The following CREBL2 variants were observed in gnomAD, a reference collection of about 807,000 sequenced individuals.
CREBL2 encodes cAMP-responsive element-binding protein-like 2.
A neutral mutation model predicts 19.5 loss-of-function variants in CREBL2; 4 were observed. The observed-to-expected ratio is 0.20, with a 90% CI of 0.10 to 0.47. The LOEUF (loss-of-function observed/expected upper bound fraction) is 0.47, where lower values mean the gene tolerates loss of function less well. Ranked by LOEUF, CREBL2 falls within the 20% of genes least tolerant of loss-of-function variation. The probability of loss-of-function intolerance (pLI) is 0.98; values close to 1 mark genes in which losing one functional copy is unlikely to be tolerated. For missense variants in CREBL2, 85 were observed against 145.1 expected (o/e 0.59, Z 2.13); for synonymous variants, 42 against 46.6 (o/e 0.90, Z 0.40).
intron 1 of CREBL2, among the ~76,000 whole-genome samples, chr12:12,618,352 G>A (rs539423080): frequency 7.2e-5 from 11 of 152,160 alleles, no homozygotes; most frequent in African/African-American, 1.9e-4. Context: ...CCTCCTAGAC[G>A]GGGTGGCGGT....
At chr12:12,614,160 A>G (rs1276554683) in intron 1 of CREBL2, among the ~76,000 whole-genome samples, 1 of 151,556 alleles carries the variant, frequency 6.6e-6, no homozygotes, top group African/African-American at 2.4e-5. Context: ...CATCCAGCTA[A>G]ATTTTTATTT....
At chr12:12,618,707 C>G (rs937972667) in intron 1 of CREBL2, among the ~76,000 whole-genome samples, 2 of 152,178 alleles carry the variant, frequency 1.3e-5, no homozygotes, top group Admixed American at 6.5e-5. Context: ...TGTAGCGAGC[C>G]GAGATCGCGC....
intron 3 of CREBL2, among the ~76,000 whole-genome samples, chr12:12,641,150 T>G (rs190767607): frequency 6.6e-6 from 1 of 151,286 alleles, no homozygotes; most frequent in East Asian, 1.9e-4. Flanking sequence ...AAAATGAATA[T>G]GTCCTATGTT....
intron 1 of CREBL2, among the ~76,000 whole-genome samples, chr12:12,618,195 G>A (rs1429724124): frequency 1.3e-5 from 2 of 150,850 alleles, no homozygotes; most frequent in Admixed American, 1.3e-4. Flanking sequence ...CCTCCCAGAC[G>A]GGGCGGCTGC....
intron 1 of CREBL2, among the ~76,000 whole-genome samples, chr12:12,634,175 T>A (rs1051696867): frequency 1.3e-5 from 2 of 150,210 alleles, no homozygotes; most frequent in Admixed American, 6.7e-5. Flanking sequence ...GGAATAAATG[T>A]ACCCCCTTTC....
At chr12:12,620,750 T>C (rs1465709877) in intron 1 of CREBL2, among the ~76,000 whole-genome samples, 2 of 152,270 alleles carry the variant, frequency 1.3e-5, no homozygotes, top group East Asian at 1.9e-4. Flanking sequence ...TCAACATTTG[T>C]TGGACACCTG....
intron 1 of CREBL2, among the ~76,000 whole-genome samples, chr12:12,623,188 T>G (rs2136301659): frequency 6.6e-6 from 1 of 152,192 alleles, no homozygotes; most frequent in African/African-American, 2.4e-5. Flanking sequence ...TTGCTGATTT[T>G]TCTTTTTCAT....
chr12:12,637,323 A>G (rs1352117057), intron 2 of CREBL2, among the ~76,000 whole-genome samples: 1 of 152,040 alleles, frequency 6.6e-6, no homozygotes, highest in Non-Finnish European at 1.5e-5. Flanking sequence ...GCAACACTCC[A>G]GTACATCAAA....
In CREBL2 at chr12:12,613,169, C is replaced by T. The variant is rs570022052; in HGVS notation, c.15+982C>T. On this transcript the variant is annotated intron_variant, in intron 1 of 3. Coordinates refer to ENST00000228865, the MANE Select transcript of CREBL2 (RefSeq NM_001310.4). ...ACAGGCGTGAGCCACCGCGCCTGGC[C>T]GCCTTTCTCTCTTTACATCTACCCA... Among the ~76,000 whole-genome samples the T allele has an allele frequency of 7.2e-5, 11 of 152,338 alleles. 2 individuals are homozygous for T. In the South Asian group the frequency reaches 1.7e-3, roughly 23 times the overall value.
rs1030936854 is a variant in CREBL2, at chr12:12,642,833, A to G, written c.*835A>G. On this transcript the variant is annotated 3_prime_UTR_variant, in exon 4 of 4. Transcript: ENST00000228865. ...CATTGACAATCTAGGGTATATATGT[A>G]TGTATGTTTCTTATTGTATGTCTAT... is the stretch of plus-strand genomic sequence containing the variant. 1 of 152,616 alleles carries G rather than the reference A, an allele frequency of 6.6e-6. No individual in the cohort carries two copies. Among genetic ancestry groups the G allele is most frequent in the Admixed American group, 6.5e-5 (1 of 15,278 alleles). 9.5% of individuals were successfully genotyped at this position (152,616 alleles called of 1,614,324 possible). A position where few individuals can be genotyped will look rare whatever the true frequency, so the allele number is the denominator to read the frequency against.
intron 3 of CREBL2, among the ~76,000 whole-genome samples, chr12:12,638,583 T>C (rs985618764): frequency 1.3e-5 from 2 of 152,084 alleles, no homozygotes; most frequent in Non-Finnish European, 2.9e-5. Context: ...ATCTAGCTTT[T>C]TGTTAATAAT....
chr12:12,642,441 A>T lies in CREBL2; in HGVS notation c.*443A>T, dbSNP rs1945530291. ...CTACAAAGAGAAACCAAATGAGCTG[A>T]TTACTGACTATAAGTTCTCAGCCTT... On this transcript the variant is annotated 3_prime_UTR_variant, in exon 4 of 4. Transcript: ENST00000228865. 1.3e-5 allele frequency: 2 copies of T among 154,118 alleles called. No homozygotes were observed. The highest frequency in any genetic ancestry group is 1.3e-4 in the Admixed American group (2 of 15,312). 9.5% of individuals were successfully genotyped at this position (154,118 alleles called of 1,614,324 possible). A position where few individuals can be genotyped will look rare whatever the true frequency, so the allele number is the denominator to read the frequency against.
chr12:12,621,093 C>T (rs973997573), intron 1 of CREBL2, among the ~76,000 whole-genome samples: 1 of 152,208 alleles, frequency 6.6e-6, no homozygotes, highest in African/African-American at 2.4e-5. Context: ...GAAGGATCGA[C>T]AGACTTTCTG....
At chr12:12,637,431 C>T (rs898790108) in intron 2 of CREBL2, 139 bp from the exon 3 acceptor site, 110 of 384,190 alleles carry the variant, frequency 2.9e-4, no homozygotes, top group Non-Finnish European at 5.8e-5. Flanking sequence ...GGTGGGATTC[C>T]CAGCAGCGAA....
rs1347658204 is a variant in CREBL2 at position 12,644,421 on chromosome 12, A to G, written c.*2423A>G. ...AAGATGGCTGACAGTCACGGAGTCC[A>G]GGAGAAGGTGCTGCTCTCCTTGCTT... is the stretch of plus-strand genomic sequence containing the variant. On this transcript the variant is annotated 3_prime_UTR_variant, in exon 4 of 4. Transcript: ENST00000228865. 2 of 152,554 alleles carry G rather than the reference A, an allele frequency of 1.3e-5. No individual in the cohort carries two copies. Among genetic ancestry groups the G allele is most frequent in the East Asian group, 1.9e-4 (1 of 5,202 alleles). 9.5% of individuals were successfully genotyped at this position (152,554 alleles called of 1,614,324 possible). A position where few individuals can be genotyped will look rare whatever the true frequency, so the allele number is the denominator to read the frequency against.
chr12:12,637,383 G>A (rs1045875867), intron 2 of CREBL2, among the ~76,000 whole-genome samples, 187 bp from the exon 3 acceptor site: 8 of 152,202 alleles, frequency 5.3e-5, no homozygotes, highest in East Asian at 1.9e-4. Context: ...GGCAGATCTC[G>A]TACATGTCCT....
chr12:12,631,840 C>G (rs1183191758), intron 1 of CREBL2, among the ~76,000 whole-genome samples: 5 of 151,590 alleles, frequency 3.3e-5, no homozygotes, highest in African/African-American at 9.7e-5. Flanking sequence ...TACTTTTTTT[C>G]TTTATAAAGT....
At chr12:12,630,407 T>G (rs1363996255) in intron 1 of CREBL2, among the ~76,000 whole-genome samples, 1 of 152,154 alleles carries the variant, frequency 6.6e-6, no homozygotes, top group Non-Finnish European at 1.5e-5. Flanking sequence ...CTAGTATTCC[T>G]TTGCATCCCT....
intron 1 of CREBL2, among the ~76,000 whole-genome samples, chr12:12,617,285 C>G (rs541787709): frequency 2.0e-5 from 3 of 152,128 alleles, no homozygotes; most frequent in Admixed American, 1.3e-4. Context: ...CACATACTTA[C>G]AATGGCAAAT....
Sources: gnomAD v4.1 joint callset for allele counts (sites outside exome capture counted in the v4.1 genomes callset) on GRCh38, gnomAD v4.1.1 for gene constraint, MANE v1.5 for transcripts, NCBI Gene and HGNC (gene_info 2026-07-23, HGNC 2026-07-21) for gene names.